CSRNP3: variants seen among roughly 807,000 people sequenced by gnomAD.
CSRNP3 encodes cysteine/serine-rich nuclear protein 3.
In CSRNP3, 12 loss-of-function variants were observed where a neutral mutation model predicts 48.0. The ratio of observed to expected loss-of-function variants is 0.25; its 90% CI spans 0.16 to 0.41. CSRNP3 has a LOEUF of 0.41. Ranked by LOEUF, CSRNP3 falls within the 10% of genes least tolerant of loss-of-function variation. CSRNP3 has a pLI of 1.00. For synonymous variants in CSRNP3, 263 were observed against 269.7 expected, an observed-to-expected ratio of 0.98 and a Z score of 0.24; for missense variants, 580 against 724.4, an observed-to-expected ratio of 0.80 and a Z score of 2.29.
At chr2:165,624,835 A>T (rs972647243) in intron 4 of CSRNP3, among the ~76,000 whole-genome samples, 1 of 152,114 alleles carries the variant, frequency 6.6e-6, no homozygotes, top group African/African-American at 2.4e-5. Context: ...TGTATTGTTC[A>T]TCTCTACAAC....
chr2:165,595,230 G>A lies in CSRNP3; in HGVS notation c.148+17G>A, dbSNP rs1685790612. The A allele has an allele frequency of 6.3e-7, 1 of 1,591,976 alleles. No homozygotes were observed. Among genetic ancestry groups the A allele is most frequent in the Non-Finnish European group, 8.6e-7 (1 of 1,163,608 alleles). On this transcript the variant is annotated intron_variant, in intron 4 of 6. Transcript: ENST00000651982. ...ATTTTACCCGTGAGTACTGAAATCAGAACCGAAGTCAATTGTCTGGTTCTA... is the reference window on the plus strand; with the variant it reads ...ATTTTACCCGTGAGTACTGAAATCAAAACCGAAGTCAATTGTCTGGTTCTA...
chr2:165,568,048 T>C (rs921682), intron 3 of CSRNP3, among the ~76,000 whole-genome samples: 46,665 of 151,916 alleles, frequency 0.31, 7,531 homozygotes, highest in Admixed American at 0.43. Flanking sequence ...ATCAATAAGA[T>C]CAGAGACCAG....
chr2:165,500,689 C>T (rs1401892861), intron 2 of CSRNP3, among the ~76,000 whole-genome samples: 1 of 152,004 alleles, frequency 6.6e-6, no homozygotes, highest in Non-Finnish European at 1.5e-5. Flanking sequence ...AACTCCTGAC[C>T]TCAGGTAATC....
At chr2:165,492,769 A>ATGTTGC (rs958234376) in intron 1 of CSRNP3, among the ~76,000 whole-genome samples, 1 of 148,940 alleles carries the variant, frequency 6.7e-6, no homozygotes, top group Non-Finnish European at 1.5e-5. Flanking sequence ...CTTGCTGTCG[A>ATGTTGC]TGTTGCTTCT....
At chr2:165,638,371 G>T (rs1686668741) in intron 4 of CSRNP3, among the ~76,000 whole-genome samples, 1 of 151,954 alleles carries the variant, frequency 6.6e-6, no homozygotes, top group African/African-American at 2.4e-5. Context: ...TGAGGCAGGA[G>T]AATTGCTTGA....
chr2:165,493,260 T>C (rs1476890187), intron 1 of CSRNP3, among the ~76,000 whole-genome samples: 1 of 152,014 alleles, frequency 6.6e-6, no homozygotes, highest in Non-Finnish European at 1.5e-5. Flanking sequence ...CAGAAAGTTA[T>C]AGATAGGACC....
intron 4 of CSRNP3, among the ~76,000 whole-genome samples, chr2:165,641,954 A>G (rs1686727619): frequency 6.6e-6 from 1 of 152,182 alleles, no homozygotes. Context: ...TCCTTTTTAC[A>G]GTCCAAGTCT....
Position 165,678,871 on chromosome 2 carries a change from C to T in CSRNP3, c.876C>T (p.His292=). The part of the protein sequence containing the change: ...EQQIPTLNGC[H]SEISAHSSSM... The stretch of plus-strand genomic sequence containing the variant: ...AAATCCCCACGCTGAATGGCTGCCA[C>T]AGTGAGATAAGTGCTCACAGTAGTT... Residue 292 remains histidine (H), a synonymous_variant, in exon 7 of 7, where the codon CAC becomes CAT. Transcript: ENST00000651982. The T allele has an allele frequency of 6.2e-7, 1 of 1,614,074 alleles. No homozygotes were observed. Among genetic ancestry groups the T allele is most frequent in the Non-Finnish European group, 8.5e-7 (1 of 1,179,996 alleles).
chr2:165,647,914 A>T (rs1161134440), intron 4 of CSRNP3, among the ~76,000 whole-genome samples: 1 of 152,134 alleles, frequency 6.6e-6, no homozygotes, highest in African/African-American at 2.4e-5. Context: ...CAATATTTTC[A>T]ACTTACAATG....
chr2:165,491,921 A>G (rs1283157952), intron 1 of CSRNP3, among the ~76,000 whole-genome samples: 6 of 145,984 alleles, frequency 4.1e-5, no homozygotes, highest in Middle Eastern at 6.8e-3. Context: ...TGCACAATGT[A>G]CACATGTACC....
chr2:165,629,456 G>A (rs1398345025), intron 4 of CSRNP3, among the ~76,000 whole-genome samples: 4 of 152,174 alleles, frequency 2.6e-5, no homozygotes, highest in African/African-American at 9.7e-5. Flanking sequence ...TCTCATTCAC[G>A]GAGGTAAAGC....
intron 4 of CSRNP3, among the ~76,000 whole-genome samples, chr2:165,598,233 A>G (rs1685844432): frequency 6.6e-6 from 1 of 152,166 alleles, no homozygotes; most frequent in African/African-American, 2.4e-5. Flanking sequence ...TATTTTCATG[A>G]TAGTTATGAA....
chr2:165,564,089 G>T (rs1877872), intron 3 of CSRNP3, among the ~76,000 whole-genome samples: 9,995 of 152,064 alleles, frequency 0.066, 365 homozygotes, highest in Middle Eastern at 0.085. Flanking sequence ...CCCCCTTGTG[G>T]TACCTGGGAA....
chr2:165,533,009 T>C (rs1684835214), intron 3 of CSRNP3, among the ~76,000 whole-genome samples: 1 of 152,196 alleles, frequency 6.6e-6, no homozygotes, highest in Non-Finnish European at 1.5e-5. Context: ...ACAAGGGATG[T>C]GAAAATTCTT....
At chr2:165,583,862 C>T (rs576991942) in intron 3 of CSRNP3, among the ~76,000 whole-genome samples, 1 of 152,200 alleles carries the variant, frequency 6.6e-6, no homozygotes, top group South Asian at 2.1e-4. Flanking sequence ...TATCCAGACT[C>T]CAAGAGAGGG....
At chr2:165,567,585 C>T (rs1024859619) in intron 3 of CSRNP3, among the ~76,000 whole-genome samples, 1 of 151,904 alleles carries the variant, frequency 6.6e-6, no homozygotes. Flanking sequence ...AATGAAAAAC[C>T]GAAAGGGTAA....
At chr2:165,523,261 C>CT (rs1394551757) in intron 3 of CSRNP3, among the ~76,000 whole-genome samples, 1 of 152,138 alleles carries the variant, frequency 6.6e-6, no homozygotes, top group Non-Finnish European at 1.5e-5. Context: ...TTAATTGTTT[C>CT]TTTTTTGTCC....
chr2:165,571,646 C>T (rs556518242), intron 3 of CSRNP3, among the ~76,000 whole-genome samples: 101 of 151,778 alleles, frequency 6.7e-4, no homozygotes, highest in African/African-American at 2.3e-3. Flanking sequence ...AATAAGTTAC[C>T]GCAATTTTAA....
At chr2:165,541,830 A>C (rs1339979774) in intron 3 of CSRNP3, among the ~76,000 whole-genome samples, 1 of 152,116 alleles carries the variant, frequency 6.6e-6, no homozygotes, top group Non-Finnish European at 1.5e-5. Context: ...GACTGCTCAT[A>C]CTTGCTAAGG....
Sources: gnomAD v4.1 joint callset for allele counts (sites outside exome capture counted in the v4.1 genomes callset) on GRCh38, gnomAD v4.1.1 for gene constraint, MANE v1.5 for transcripts, NCBI Gene and HGNC (gene_info 2026-07-23, HGNC 2026-07-21) for gene names.